The following DUS2 variants were observed in gnomAD, a reference collection of about 807,000 sequenced individuals.
DUS2 encodes tRNA-dihydrouridine(20) synthase [NAD(P)+]-like.
A neutral mutation model predicts 71.3 loss-of-function variants in DUS2; 52 were observed. That is an observed-to-expected ratio of 0.73 (90% CI 0.58 to 0.92). The LOEUF (loss-of-function observed/expected upper bound fraction) is 0.92, where lower values mean the gene tolerates loss of function less well. DUS2 is among the 40% of genes least tolerant of loss of function. The pLI, the probability that DUS2 is intolerant of heterozygous loss-of-function variation, is 0.00. For missense variants in DUS2, 558 were observed against 622.6 expected, an observed-to-expected ratio of 0.90 and a Z score of 1.10; for synonymous variants, 204 against 227.8, an observed-to-expected ratio of 0.90 and a Z score of 0.94.
At chr16:68,035,929 T>TACAC (rs1187847091) in intron 2 of DUS2, among the ~76,000 whole-genome samples, 16 of 108,570 alleles carry the variant, frequency 1.5e-4, no homozygotes, top group African/African-American at 3.5e-4. Context: ...TATATATATA[T>TACAC]ACACACATAC....
chr16:68,071,571 A>C (rs6499157), intron 12 of DUS2, among the ~76,000 whole-genome samples: 42,125 of 151,916 alleles, frequency 0.28, 7,377 homozygotes, highest in African/African-American at 0.5. Context: ...CAGTCGAAAT[A>C]ATTTCTAAAA....
chr16:68,025,025 T>G (rs895424212), intron 1 of DUS2, among the ~76,000 whole-genome samples: 18 of 151,988 alleles, frequency 1.2e-4, no homozygotes, highest in Admixed American at 5.9e-4. Flanking sequence ...AGAGACAGGG[T>G]TTCACTACGT....
chr16:68,071,899 G>GGTA, intron 12 of DUS2, among the ~76,000 whole-genome samples: 1 of 152,162 alleles, frequency 6.6e-6, no homozygotes, highest in African/African-American at 2.4e-5. Context: ...AGAGGTTGAT[G>GGTA]GTAGTGCCAA....
At chr16:68,037,650 C>G (rs1598301917) in intron 2 of DUS2, among the ~76,000 whole-genome samples, 1 of 152,076 alleles carries the variant, frequency 6.6e-6, no homozygotes, top group East Asian at 1.9e-4. Context: ...AACTCCTGAC[C>G]TCAGGTGATC....
chr16:68,065,455 A>C (rs759861473), intron 8 of DUS2, among the ~76,000 whole-genome samples: 1 of 151,624 alleles, frequency 6.6e-6, no homozygotes, highest in Non-Finnish European at 1.5e-5. Flanking sequence ...TTGGGAGGAT[A>C]AAACAGGTGG....
chr16:68,048,646 C>A (rs751529033), intron 3 of DUS2, among the ~76,000 whole-genome samples: 1 of 152,170 alleles, frequency 6.6e-6, no homozygotes, highest in Admixed American at 6.6e-5. Flanking sequence ...TGGCCATTGT[C>A]CCTAGGTACT....
At position 68,066,342 on chromosome 16, in the gene DUS2, C is replaced by A. The variant is rs757724879; in HGVS notation, c.443C>A (p.Thr148Lys). Reference protein sequence around the residue: ...EKILSTLVKGTRRPVTCKIRI... With the variant: ...EKILSTLVKGKRRPVTCKIRI... ...ATCCTCAGCACTCTTGTTAAAGGGA[C>A]ACGCAGACCTGTGACCTGCAAGATT... Residue 148 changes from threonine to lysine, a missense_variant, in exon 9 of 17, where the codon ACA becomes AAA. Transcript: ENST00000565263. 6.2e-7 allele frequency: 1 copy of A among 1,614,184 alleles called. No individual in the cohort carries two copies. The highest frequency in any genetic ancestry group is 1.7e-5 in the Admixed American group (1 of 60,022).
chr16:68,071,197 G>A, intron 12 of DUS2, 89 bp downstream of exon 12: 1 of 1,399,206 alleles, frequency 7.1e-7, no homozygotes, highest in Non-Finnish European at 9.9e-7. Context: ...CCAGCTGCCA[G>A]CTGTGCTTGC....
At chr16:68,037,834 G>A in intron 2 of DUS2, 172 bp from the exon 3 acceptor site, 1 of 598,674 alleles carries the variant, frequency 1.7e-6, no homozygotes, top group Non-Finnish European at 2.7e-6. Flanking sequence ...TCCAGCCTGG[G>A]TGACAAAGCA....
Position 68,079,026 on chromosome 16 carries a change from G to C in DUS2, c.*40G>C. Reference sequence around the variant, plus strand: ...TTAGTCACCCCTCCATGGGCCTGGTGCTAAGGTGGCTGTGGATGCCACAGC... The same window carrying C: ...TTAGTCACCCCTCCATGGGCCTGGTCCTAAGGTGGCTGTGGATGCCACAGC... On this transcript the variant is annotated 3_prime_UTR_variant, in exon 17 of 17. Coordinates refer to ENST00000565263, the MANE Select transcript of DUS2 (RefSeq NM_017803.5). 1 of 1,486,220 alleles carries C rather than the reference G, an allele frequency of 6.7e-7. No homozygotes were observed. Among genetic ancestry groups the C allele is most frequent in the African/African-American group, 1.4e-5 (1 of 71,294 alleles). 92.1% of individuals were successfully genotyped at this position (1,486,220 alleles called of 1,614,324 possible). A position where few individuals can be genotyped will look rare whatever the true frequency, so the allele number is the denominator to read the frequency against.
At chr16:68,061,177 A>C (rs1321733402) in intron 8 of DUS2, 64 bp downstream of exon 8, 9 of 1,527,264 alleles carry the variant, frequency 5.9e-6, no homozygotes, top group Non-Finnish European at 8.2e-6. Context: ...ATTGTCTAGA[A>C]CGCCTCCTTC....
chr16:68,059,474 A>T (rs1383528863), intron 7 of DUS2, among the ~76,000 whole-genome samples: 4 of 152,194 alleles, frequency 2.6e-5, no homozygotes, highest in African/African-American at 9.7e-5. Context: ...GGAAGGACAG[A>T]TGGAGCCAGG....
At chr16:68,030,076 T>C (rs1230974807) in intron 2 of DUS2, among the ~76,000 whole-genome samples, 1 of 151,904 alleles carries the variant, frequency 6.6e-6, no homozygotes, top group Non-Finnish European at 1.5e-5. Flanking sequence ...GCTTTGTCTT[T>C]GGGGAAAATT....
chr16:68,056,882 A>G (rs2033860867), intron 7 of DUS2, among the ~76,000 whole-genome samples: 1 of 144,484 alleles, frequency 6.9e-6, no homozygotes, highest in Admixed American at 7.1e-5. Context: ...TATAATATAT[A>G]GGTATATTAT....
intron 7 of DUS2, among the ~76,000 whole-genome samples, chr16:68,058,289 A>G (rs1055476712): frequency 1.1e-4 from 17 of 151,450 alleles, no homozygotes; most frequent in African/African-American, 3.9e-4. Flanking sequence ...TAGCAGTGCA[A>G]TCTCGGCTGA....
intron 8 of DUS2, among the ~76,000 whole-genome samples, chr16:68,062,020 C>CT (rs1555510538): frequency 1.3e-5 from 2 of 152,046 alleles, no homozygotes; most frequent in South Asian, 2.1e-4. Flanking sequence ...ATGTGCCTTT[C>CT]TTTTTTTTGA....
intron 3 of DUS2, among the ~76,000 whole-genome samples, chr16:68,047,861 A>T (rs540659074): frequency 6.6e-6 from 1 of 151,088 alleles, no homozygotes; most frequent in African/African-American, 2.4e-5. Flanking sequence ...GCTCACTGCA[A>T]CCTCGAGCAT....
intron 2 of DUS2, 27 bp from the exon 3 acceptor site, chr16:68,037,979 G>T: frequency 1.3e-6 from 2 of 1,596,842 alleles, no homozygotes; most frequent in South Asian, 2.3e-5. Context: ...TTGAATTTCT[G>T]ACTCTTGTTT....
chr16:68,044,456 C>G (rs1194428264), intron 3 of DUS2, among the ~76,000 whole-genome samples: 1 of 148,432 alleles, frequency 6.7e-6, no homozygotes, highest in Non-Finnish European at 1.5e-5. Flanking sequence ...AGTACAGTGA[C>G]ATGATCTCAG....
Sources: gnomAD v4.1 joint callset for allele counts (sites outside exome capture counted in the v4.1 genomes callset) on GRCh38, gnomAD v4.1.1 for gene constraint, MANE v1.5 for transcripts, NCBI Gene and HGNC (gene_info 2026-07-23, HGNC 2026-07-21) for gene names.